VAV2: variants seen among roughly 807,000 people sequenced by gnomAD.
VAV2 encodes the protein guanine nucleotide exchange factor VAV2.
In VAV2, 67 loss-of-function variants were observed where a neutral mutation model predicts 132.5. The ratio of observed to expected loss-of-function variants is 0.51; its 90% confidence interval spans 0.42 to 0.62. The LOEUF (loss-of-function observed/expected upper bound fraction) is 0.62. Among genes scored for constraint, VAV2 ranks in the 20% least tolerant of loss-of-function variants. The pLI is 0.00. For synonymous variants in VAV2, 492 were observed against 443.5 expected, an observed-to-expected ratio of 1.11 and a Z score of -1.37; for missense variants, 938 against 1,153.6, an observed-to-expected ratio of 0.81 and a Z score of 2.71.
At chr9:133,900,058 G>A (rs1278290746) in intron 2 of VAV2, among the ~76,000 whole-genome samples, 1 of 150,526 alleles carries the variant, frequency 6.6e-6, no homozygotes, top group Non-Finnish European at 1.5e-5. Context: ...AAATAGCTGG[G>A]CATAGTGGCA....
rs538793940 is a variant in VAV2, at chr9:133,939,643, C to G, written c.205-424G>C. Reference sequence around the variant, plus strand: ...CGCACCCAGCACATGTCGAGGCCGACAGTCACAGCTGGGGCAGAATATGCA... The same window carrying G: ...CGCACCCAGCACATGTCGAGGCCGAGAGTCACAGCTGGGGCAGAATATGCA... On this transcript the variant is annotated intron_variant, in intron 1 of 29. Transcript: ENST00000371850. 2.0e-5 allele frequency among the ~76,000 whole-genome samples: 3 copies of G among 152,390 alleles called. No homozygotes were observed. The East Asian group carries it at 5.8e-4, about 29-fold the overall frequency.
At chr9:133,795,853 C>A in intron 11 of VAV2, 117 bp from the exon 12 acceptor site, 1 of 1,114,272 alleles carries the variant, frequency 9.0e-7, no homozygotes, top group Non-Finnish European at 1.3e-6. Flanking sequence ...AAGCCACCCC[C>A]ACCCGCCAGC....
At chr9:133,899,439 C>T (rs138868335) in intron 2 of VAV2, among the ~76,000 whole-genome samples, 3 of 151,766 alleles carry the variant, frequency 2.0e-5, no homozygotes, top group Admixed American at 6.6e-5. Flanking sequence ...GATGGGGTCT[C>T]GCTCTGTCAC....
intron 9 of VAV2, among the ~76,000 whole-genome samples, chr9:133,800,017 T>A (rs1834870839): frequency 6.6e-6 from 1 of 152,206 alleles, no homozygotes; most frequent in Non-Finnish European, 1.5e-5. Flanking sequence ...TGCCAGGACC[T>A]GGGCTGGAAG....
In VAV2 at chr9:133,804,369, G is replaced by C. The variant is rs767141731; in HGVS notation, c.836+1712C>G. On this transcript the variant is annotated intron_variant, in intron 9 of 29. Transcript: ENST00000371850. The surrounding 1 kb of genome is among the most constrained non-coding windows in gnomAD (Gnocchi z 4.5). The stretch of plus-strand genomic sequence containing the variant: ...GCCCGTCCACAGAGCTCTTGGGCTG[G>C]GCCTGTGACTGGACGTGCTGCCCGC... 2.0e-5 allele frequency among the ~76,000 whole-genome samples: 3 copies of C among 152,170 alleles called. No individual in the cohort carries two copies. Among genetic ancestry groups the C allele is most frequent in the Non-Finnish European group, 4.4e-5 (3 of 68,020 alleles).
chr9:133,975,129 G>T (rs375213404), intron 1 of VAV2, among the ~76,000 whole-genome samples: 5 of 152,188 alleles, frequency 3.3e-5, no homozygotes, highest in East Asian at 3.8e-4. Context: ...GGGAATGAAG[G>T]CCTCATTTCA....
intron 3 of VAV2, among the ~76,000 whole-genome samples, chr9:133,842,521 C>T (rs551779453): frequency 6.6e-6 from 1 of 152,050 alleles, no homozygotes; most frequent in Non-Finnish European, 1.5e-5. Context: ...TCTTGGGATG[C>T]GGGACTTTTG....
chr9:133,945,639 C>T (rs1021637508), intron 1 of VAV2, among the ~76,000 whole-genome samples: 3 of 152,240 alleles, frequency 2.0e-5, no homozygotes, highest in Non-Finnish European at 2.9e-5. Flanking sequence ...TCCTCAGTCC[C>T]AGGAGTGGCA....
At position 133,944,476 on chromosome 9, in the gene VAV2, G is replaced by A. The variant is rs181276814; in HGVS notation, c.205-5257C>T. Among the ~76,000 whole-genome samples, 124 of 152,328 alleles carry A rather than the reference G, an allele frequency of 8.1e-4. 3 individuals carry two copies. In the East Asian group the frequency reaches 0.014, roughly 18 times the overall value. On this transcript the variant is annotated intron_variant, in intron 1 of 29. Transcript: ENST00000371850. ...GCTTGGCCATCGACCCCTGGGCAAT[G>A]GTGATGGAGTAATAGCAGAGCCTGA...
At chr9:133,988,541 A>C (rs1290473591) in intron 1 of VAV2, among the ~76,000 whole-genome samples, 1 of 152,184 alleles carries the variant, frequency 6.6e-6, no homozygotes. Flanking sequence ...ACAGCAGGGC[A>C]GGTAAGAAAG....
chr9:133,938,300 G>A (rs910843459), intron 2 of VAV2, among the ~76,000 whole-genome samples: 1 of 152,158 alleles, frequency 6.6e-6, no homozygotes, highest in African/African-American at 2.4e-5. Flanking sequence ...CACCTCCGGC[G>A]TCCAGCCCCG....
At chr9:133,922,029 C>T (rs1054389279) in intron 2 of VAV2, among the ~76,000 whole-genome samples, 13 of 152,234 alleles carry the variant, frequency 8.5e-5, no homozygotes, top group Non-Finnish European at 1.2e-4. Flanking sequence ...CTGGTGCAGA[C>T]GCCATGCATG....
chr9:133,974,248 C>T (rs772942540), intron 1 of VAV2, among the ~76,000 whole-genome samples: 9 of 152,146 alleles, frequency 5.9e-5, no homozygotes, highest in Admixed American at 2.0e-4. Context: ...CACGGGGTAG[C>T]GGTCAGTAAC....
chr9:133,962,930 C>T (rs1842012019), intron 1 of VAV2, among the ~76,000 whole-genome samples: 1 of 152,138 alleles, frequency 6.6e-6, no homozygotes, highest in Non-Finnish European at 1.5e-5. Flanking sequence ...TGCTAAAAGT[C>T]TTCTTTTTCC....
intron 2 of VAV2, among the ~76,000 whole-genome samples, chr9:133,868,890 A>G (rs1335950007): frequency 6.6e-6 from 1 of 152,220 alleles, no homozygotes; most frequent in African/African-American, 2.4e-5. Context: ...ACAAAGGGAA[A>G]TCAAGCTGGG....
At chr9:133,897,709 G>C (rs1839269517) in intron 2 of VAV2, among the ~76,000 whole-genome samples, 1 of 152,170 alleles carries the variant, frequency 6.6e-6, no homozygotes, top group Non-Finnish European at 1.5e-5. Context: ...TTTAGTGAAG[G>C]CCAAATATGG....
intron 2 of VAV2, among the ~76,000 whole-genome samples, chr9:133,895,639 G>A (rs535426368): frequency 3.5e-4 from 53 of 152,232 alleles, no homozygotes; most frequent in African/African-American, 1.1e-3. Flanking sequence ...AGGGGCTGGG[G>A]AAATTTGGGG....
intron 2 of VAV2, among the ~76,000 whole-genome samples, chr9:133,869,408 C>T (rs969683881): frequency 3.3e-5 from 5 of 151,852 alleles, no homozygotes; most frequent in African/African-American, 1.2e-4. Context: ...GAGTCTGAGG[C>T]CAGCCTGAGC....
At chr9:133,942,098 G>A (rs374397887) in intron 1 of VAV2, among the ~76,000 whole-genome samples, 1 of 152,180 alleles carries the variant, frequency 6.6e-6, no homozygotes, top group Admixed American at 6.5e-5. Context: ...CCTACTGGAC[G>A]GTGCTCTAGA....
Sources: gnomAD v4.1 joint callset for allele counts (sites outside exome capture counted in the v4.1 genomes callset) on GRCh38, gnomAD v4.1.1 for gene constraint, Gnocchi (gnomAD v3.1) non-coding constraint, MANE v1.5 for transcripts, NCBI Gene and HGNC (gene_info 2026-07-23, HGNC 2026-07-21) for gene names.